Variants in HACL1 observed in about 807,000 individuals in gnomAD.
HACL1 encodes the protein 1600020H07Rik.
HACL1 carries 64 observed loss-of-function variants against 74.2 expected under a neutral mutation model. The observed-to-expected ratio is 0.86, with a 90% confidence interval of 0.70 to 1.06. HACL1 has a LOEUF of 1.06. Ranked by LOEUF, HACL1 falls within the 50% of genes least tolerant of loss-of-function variation. The pLI is 0.00. For missense variants in HACL1, 728 were observed against 719.7 expected, an observed-to-expected ratio of 1.01 and a Z score of -0.13; for synonymous variants, 230 against 238.8, an observed-to-expected ratio of 0.96 and a Z score of 0.34.
intron 11 of HACL1, among the ~76,000 whole-genome samples, chr3:15,572,029 G>A (rs1013222007): frequency 8.6e-5 from 13 of 151,444 alleles, no homozygotes; most frequent in African/African-American, 3.2e-4. Flanking sequence ...TAGTAGAGAC[G>A]AAGTTTCACC....
intron 11 of HACL1, among the ~76,000 whole-genome samples, chr3:15,572,939 T>C (rs1463279336): frequency 1.3e-5 from 2 of 152,258 alleles, no homozygotes; most frequent in Non-Finnish European, 2.9e-5. Flanking sequence ...TTTTCAATCA[T>C]CTTCCAAAAA....
chr3:15,562,040 C>A (rs80243731), intron 16 of HACL1, among the ~76,000 whole-genome samples: 3 of 152,078 alleles, frequency 2.0e-5, no homozygotes, highest in Non-Finnish European at 4.4e-5. Flanking sequence ...GCCTGATGCC[C>A]GGAGGAGGGT....
At chr3:15,600,700 T>G (rs546446445) in intron 2 of HACL1, 172 of 224,822 alleles carry the variant, frequency 7.7e-4, no homozygotes, top group Non-Finnish European at 1.3e-3. Flanking sequence ...CACTAAGCAC[T>G]GGGGGTACAG....
chr3:15,576,034 T>C (rs1269668644), intron 9 of HACL1, among the ~76,000 whole-genome samples: 2 of 97,334 alleles, frequency 2.1e-5, no homozygotes, highest in Non-Finnish European at 4.0e-5. Context: ...TGCGTGCCTG[T>C]AGTCCCAGCT....
chr3:15,564,790 A>C, intron 14 of HACL1, 132 bp from the exon 15 acceptor site: 1 of 542,278 alleles, frequency 1.8e-6, no homozygotes, highest in African/African-American at 1.9e-5. Context: ...AAGACTAAAA[A>C]TCAAGCATTT....
At position 15,567,896 on chromosome 3, in the gene HACL1, C is replaced by G; in HGVS notation, c.1357G>C (p.Glu453Gln). The change falls in exon 14 of 17, where the codon GAA becomes CAA. Residue 453 changes from glutamate (E) to glutamine (Q), a missense_variant. Glu to Gln is a conservative substitution (Grantham distance 29). Coordinates refer to ENST00000321169, the MANE Select transcript of HACL1 (RefSeq NM_012260.4). ...GAAAACCCAAATGCACTGTCTCCTT[C>G]CACACAGATGATCCATTGCCCAGGG... ...RSPGQWIICV[E>Q]GDSAFGFSGM... 2 of 1,614,148 alleles carry G rather than the reference C, an allele frequency of 1.2e-6. No homozygotes were observed. Among genetic ancestry groups the G allele is most frequent in the Non-Finnish European group, 1.7e-6 (2 of 1,179,940 alleles).
intron 8 of HACL1, among the ~76,000 whole-genome samples, chr3:15,582,054 T>G (rs1426911662): frequency 6.6e-6 from 1 of 152,222 alleles, no homozygotes; most frequent in Non-Finnish European, 1.5e-5. Context: ...AGTTCTGACC[T>G]CAATTTTTTT....
At chr3:15,574,292 C>A (rs963864482) in intron 10 of HACL1, among the ~76,000 whole-genome samples, 1 of 152,154 alleles carries the variant, frequency 6.6e-6, no homozygotes, top group Non-Finnish European at 1.5e-5. Context: ...CACTTAAGCT[C>A]GAGAGGTTGA....
At position 15,582,926 on chromosome 3, in the gene HACL1, C is replaced by A; in HGVS notation, c.618G>T (p.Ala206=). The A allele has an allele frequency of 6.2e-7, 1 of 1,612,014 alleles. No individual in the cohort carries two copies. Among genetic ancestry groups the A allele is most frequent in the Non-Finnish European group, 8.5e-7 (1 of 1,178,402 alleles). The change falls in exon 8 of 17, where the codon GCG becomes GCT. Residue 206 remains alanine (A), a synonymous_variant. Coordinates refer to ENST00000321169, the MANE Select transcript of HACL1 (RefSeq NM_012260.4). ...GTTTGGCATTCCTAATAACAGAAGC[C>A]GCCGTGCACACAGCAGAGGTTTCTG... ...SMAETSAVCT[A]ASVIRNAKQP... is the part of the protein sequence containing the mutation.
intron 4 of HACL1, 62 bp downstream of exon 4, chr3:15,591,538 C>T: frequency 1.1e-6 from 1 of 939,990 alleles, no homozygotes. Flanking sequence ...ATTAGCTCTA[C>T]TCAGTAAAAT....
chr3:15,597,401 C>T (rs757317321), intron 2 of HACL1, among the ~76,000 whole-genome samples: 11 of 152,016 alleles, frequency 7.2e-5, no homozygotes, highest in Non-Finnish European at 1.5e-4. Flanking sequence ...TCTACTTCAG[C>T]TCATAATCAG....
chr3:15,562,172 A>C (rs1237984207), intron 16 of HACL1, among the ~76,000 whole-genome samples: 3 of 152,232 alleles, frequency 2.0e-5, no homozygotes, highest in African/African-American at 7.2e-5. Flanking sequence ...AAATCATTTT[A>C]AATAGAACTT....
intron 8 of HACL1, 129 bp downstream of exon 8, chr3:15,582,748 C>A: frequency 1.8e-6 from 1 of 552,542 alleles, no homozygotes; most frequent in East Asian, 3.1e-5. Context: ...ACAAATAATG[C>A]TAAATGGATG....
In HACL1 at chr3:15,560,893, A is replaced by T; in HGVS notation, c.1709T>A (p.Phe570Tyr). The T allele has an allele frequency of 6.2e-7, 1 of 1,603,892 alleles. No individual in the cohort carries two copies. Among genetic ancestry groups the T allele is most frequent in the South Asian group, 1.1e-5 (1 of 90,708 alleles). Reference sequence around the variant, plus strand: ...CATATTAGAGCGGGTCAGCCAATGAAAATCCTAGAAAAAGAAGACAACAAA... The same window carrying T: ...CATATTAGAGCGGGTCAGCCAATGATAATCCTAGAAAAAGAAGACAACAAA... ...EPQATRKAQD[F>Y]HWLTRSNM The change falls in exon 17 of 17, where the codon TTT (phenylalanine) becomes TAT (tyrosine). Residue 570 changes from phenylalanine to tyrosine, a missense_variant. By Grantham distance (22) the Phe-to-Tyr change is conservative (BLOSUM62 3). Transcript: ENST00000321169.
chr3:15,565,728 T>C (rs1189044419), intron 14 of HACL1, among the ~76,000 whole-genome samples: 2 of 152,218 alleles, frequency 1.3e-5, no homozygotes, highest in Non-Finnish European at 2.9e-5. Context: ...TAAGTCATCT[T>C]TTTTGTGTAT....
In HACL1 at chr3:15,573,230, C is replaced by A. The variant is rs1187103661; in HGVS notation, c.922G>T (p.Ala308Ser). ...TTTACATTATTCCCCAATTCTTCTG[C>A]ACAGATATCAACCTAAAAAAGAGAC... ...DVKFIQVDIC[A>S]EELGNNVKPA... The change falls in exon 11 of 17, where the codon GCA (alanine) becomes TCA (serine). Residue 308 changes from alanine (A) to serine (S), a missense_variant. Ala to Ser is a moderately conservative substitution (Grantham distance 99, BLOSUM62 1). Transcript: ENST00000321169. 2 of 1,602,252 alleles carry A rather than the reference C, an allele frequency of 1.2e-6. No homozygotes were observed. Among genetic ancestry groups the A allele is most frequent in the Admixed American group, 3.3e-5 (2 of 59,976 alleles).
intron 16 of HACL1, 69 bp from the exon 17 acceptor site, chr3:15,560,966 C>T: frequency 8.4e-7 from 1 of 1,190,390 alleles, no homozygotes; most frequent in Non-Finnish European, 1.2e-6. Flanking sequence ...CTCATTGTTT[C>T]ACTTGTTCTA....
In HACL1 at chr3:15,563,401, A is replaced by G. The variant is rs1426692317; in HGVS notation, c.1661T>C (p.Leu554Pro). The G allele has an allele frequency of 1.2e-6, 2 of 1,613,782 alleles. No homozygotes were observed. Among genetic ancestry groups the G allele is most frequent in the Non-Finnish European group, 1.7e-6 (2 of 1,179,734 alleles). The change falls in exon 16 of 17, where the codon CTT becomes CCT. Residue 554 changes from leucine (L) to proline (P), a missense_variant. Coordinates refer to ENST00000321169, the MANE Select transcript of HACL1 (RefSeq NM_012260.4). ...TTGTGGCTCAATCATGATGTTGATA[A>G]GAGAAGGTTTAGTTGTGTCTGCTAG... ...QSLADTTKPSLINIMIEPQAT... is the reference protein window; with the variant it reads ...QSLADTTKPSPINIMIEPQAT...
Position 15,560,959 on chromosome 3 carries a change from A to G in HACL1, c.1705-62T>C. Reference sequence around the variant, plus strand: ...AATGATTGTCTCAAATTATATCCTCATTGTTTCACTTGTTCTAAAACCTAA... The same window carrying G: ...AATGATTGTCTCAAATTATATCCTCGTTGTTTCACTTGTTCTAAAACCTAA... On this transcript the variant is annotated intron_variant, in intron 16 of 16. Transcript: ENST00000321169. 4.9e-6 allele frequency: 6 copies of G among 1,222,316 alleles called. No homozygotes were observed. The Admixed American group carries it at 9.1e-5, about 19-fold the overall frequency. The allele number at this position is 1,222,316 out of a possible 1,614,324, so 75.7% of individuals were successfully genotyped here. A position where few individuals can be genotyped will look rare whatever the true frequency, so the allele number is the denominator to read the frequency against.
Sources: gnomAD v4.1 joint callset for allele counts (sites outside exome capture counted in the v4.1 genomes callset) on GRCh38, gnomAD v4.1.1 for gene constraint, MANE v1.5 for transcripts, NCBI Gene and HGNC (gene_info 2026-07-23, HGNC 2026-07-21) for gene names.